Variants in FER1L6 observed in about 807,000 individuals in gnomAD.
FER1L6 encodes fer-1 like family member 6.
In FER1L6, 177 loss-of-function variants were observed where a neutral mutation model predicts 219.2. The ratio of observed to expected loss-of-function variants is 0.81; its 90% CI spans 0.71 to 0.91. The LOEUF (loss-of-function observed/expected upper bound fraction) is 0.91, where lower values mean the gene tolerates loss of function less well. Ranked by LOEUF, FER1L6 falls within the 40% of genes least tolerant of loss-of-function variation. FER1L6 has a pLI of 0.00. For synonymous variants in FER1L6, 768 were observed against 824.3 expected (o/e 0.93, Z 1.17); for missense variants, 2,153 against 2,259.9 (o/e 0.95, Z 0.96).
chr8:123,925,507 G>T (rs555726852), intron 1 of FER1L6, among the ~76,000 whole-genome samples: 1 of 152,150 alleles, frequency 6.6e-6, no homozygotes, highest in African/African-American at 2.4e-5. Flanking sequence ...GCTAGGAAAG[G>T]CAATTTTGTA....
intron 1 of FER1L6, among the ~76,000 whole-genome samples, chr8:123,864,347 C>T (rs1421130578): frequency 1.3e-4 from 19 of 149,066 alleles, no homozygotes; most frequent in Non-Finnish European, 1.9e-4. Flanking sequence ...CCTAGAGATC[C>T]GCTGTTAGTC....
intron 39 of FER1L6, among the ~76,000 whole-genome samples, chr8:124,106,579 G>A (rs1433704954): frequency 6.6e-6 from 1 of 152,022 alleles, no homozygotes; most frequent in African/African-American, 2.4e-5. Context: ...CTGTGGACTG[G>A]TCCTTCTGCC....
intron 39 of FER1L6, among the ~76,000 whole-genome samples, chr8:124,117,189 G>A (rs1007311282): frequency 4.6e-5 from 7 of 152,208 alleles, no homozygotes; most frequent in Non-Finnish European, 1.0e-4. Context: ...CTTGTTGCCT[G>A]TGTGACCTTG....
At chr8:123,893,377 T>C in intron 1 of FER1L6, among the ~76,000 whole-genome samples, 1 of 152,202 alleles carries the variant, frequency 6.6e-6, no homozygotes, top group East Asian at 1.9e-4. Flanking sequence ...TGGACTGAAC[T>C]AATGGAGGAC....
chr8:124,068,976 G>A (rs1309246086), intron 28 of FER1L6, among the ~76,000 whole-genome samples: 3 of 144,120 alleles, frequency 2.1e-5, no homozygotes, highest in Non-Finnish European at 4.5e-5. Context: ...TTGCTCTGTC[G>A]CCCAGGCTGG....
intron 39 of FER1L6, among the ~76,000 whole-genome samples, chr8:124,103,519 G>A (rs1304689433): frequency 2.0e-5 from 3 of 152,094 alleles, no homozygotes. Context: ...TATCCTTTTG[G>A]CCTGAACTTA....
At chr8:123,857,699 A>T (rs1443165393) in intron 1 of FER1L6, among the ~76,000 whole-genome samples, 1 of 151,910 alleles carries the variant, frequency 6.6e-6, no homozygotes, top group Non-Finnish European at 1.5e-5. Flanking sequence ...CGGCCTCTGA[A>T]GTGGGTACCA....
At chr8:123,907,196 C>A (rs578197495) in intron 1 of FER1L6, among the ~76,000 whole-genome samples, 36 of 152,316 alleles carry the variant, frequency 2.4e-4, no homozygotes, top group African/African-American at 7.9e-4. Flanking sequence ...CACTTTGCTA[C>A]CACCAGCACA....
chr8:123,962,934 T>C (rs1215359245), intron 2 of FER1L6, among the ~76,000 whole-genome samples: 1 of 152,154 alleles, frequency 6.6e-6, no homozygotes, highest in African/African-American at 2.4e-5. Context: ...AGCCAGAAAC[T>C]CAGTTTTTAA....
intron 15 of FER1L6, chr8:124,014,601 CTGAGTCT>C (rs1818094014): frequency 6.6e-6 from 1 of 152,548 alleles, no homozygotes; most frequent in Admixed American, 6.5e-5. Flanking sequence ...AACCCTGGTT[CTGAGTCT>C]TATTTCTGAG....
At chr8:124,067,676 C>G (rs1412923901) in intron 27 of FER1L6, 91 bp from the exon 28 acceptor site, 3 of 1,122,046 alleles carry the variant, frequency 2.7e-6, no homozygotes, top group East Asian at 5.0e-5. Context: ...AAAATAGTGT[C>G]TCTGGGAATG....
chr8:123,971,041 C>G (rs1300790302), intron 6 of FER1L6, among the ~76,000 whole-genome samples: 1 of 152,136 alleles, frequency 6.6e-6, no homozygotes, highest in Non-Finnish European at 1.5e-5. Flanking sequence ...TGTAGGAAGT[C>G]TGGAGAATAA....
intron 2 of FER1L6, among the ~76,000 whole-genome samples, chr8:123,962,789 G>A (rs191880814): frequency 3.3e-4 from 50 of 152,060 alleles, no homozygotes; most frequent in African/African-American, 1.0e-3. Context: ...CACCATGCCC[G>A]GCTAATTTTT....
intron 22 of FER1L6, chr8:124,058,994 A>AT (rs1005899075): frequency 6.6e-6 from 1 of 152,234 alleles, no homozygotes; most frequent in African/African-American, 2.4e-5. Flanking sequence ...GAATGGTGAT[A>AT]TATTTGCATT....
intron 1 of FER1L6, among the ~76,000 whole-genome samples, chr8:123,872,403 C>A (rs535008393): frequency 6.6e-6 from 1 of 152,076 alleles, no homozygotes; most frequent in Non-Finnish European, 1.5e-5. Flanking sequence ...CTTAAAACTA[C>A]GAAGGTCATC....
chr8:123,886,452 GGTT>G (rs1817204723), intron 1 of FER1L6, among the ~76,000 whole-genome samples: 1 of 152,174 alleles, frequency 6.6e-6, no homozygotes, highest in African/African-American at 2.4e-5. Flanking sequence ...ACATGCATCA[GGTT>G]CCCCTTTGAC....
chr8:124,070,602 G>C lies in FER1L6; in HGVS notation c.3966+4G>C. 6.4e-7 allele frequency: 1 copy of C among 1,572,012 alleles called. No homozygotes were observed. The highest frequency in any genetic ancestry group is 1.7e-4 in the Middle Eastern group (1 of 5,826). On this transcript the variant is annotated splice_donor_region_variant and intron_variant, in intron 30 of 40. Coordinates refer to ENST00000522917, the MANE Select transcript of FER1L6 (RefSeq NM_001039112.2). The stretch of plus-strand genomic sequence containing the variant: ...CCGAGTCATAGGAAAATTTAAGGCA[G>C]GTTCCATTTTTAATCCTTTTATTTG...
At position 124,118,957 on chromosome 8, in the gene FER1L6, G is replaced by A; in HGVS notation, c.5390+13G>A. 2 of 1,606,480 alleles carry A rather than the reference G, an allele frequency of 1.2e-6. No individual in the cohort carries two copies. The highest frequency in any genetic ancestry group is 2.2e-5 in the South Asian group (2 of 90,878). ...TGGCCAAGCCCAAGTGAGTGGAGTT[G>A]CTAGTGGGAACATCAGAAATGGGAA... On this transcript the variant is annotated intron_variant, in intron 40 of 40. Transcript: ENST00000522917.
chr8:124,033,070 T>G (rs1326859449), intron 18 of FER1L6, among the ~76,000 whole-genome samples: 3 of 152,186 alleles, frequency 2.0e-5, no homozygotes, highest in African/African-American at 7.2e-5. Flanking sequence ...GAACATTCTG[T>G]GTGAAGAGAG....
Sources: allele counts gnomAD v4.1 joint callset (sites outside exome capture counted in the v4.1 genomes callset), GRCh38; gene constraint gnomAD v4.1.1; transcripts MANE v1.5; gene names NCBI Gene and HGNC (gene_info 2026-07-23, HGNC 2026-07-21).